The following CRPPA variants were observed in gnomAD, a reference collection of about 807,000 sequenced individuals.
The protein encoded by CRPPA is CDP-L-ribitol pyrophosphorylase A.
In CRPPA, 43 loss-of-function variants were observed where a neutral mutation model predicts 52.0. The observed-to-expected ratio is 0.83, with a 90% CI of 0.65 to 1.07. The LOEUF is 1.07. Ranked by LOEUF, CRPPA falls within the 50% of genes least tolerant of loss-of-function variation. The pLI is 0.00. For synonymous variants in CRPPA, 250 were observed against 203.5 expected (o/e 1.23, Z -1.94); for missense variants, 629 against 551.7 (o/e 1.14, Z -1.40).
chr7:16,243,186 T>C (rs2128407158), intron 8 of CRPPA, among the ~76,000 whole-genome samples: 1 of 152,286 alleles, frequency 6.6e-6, no homozygotes, highest in Middle Eastern at 3.4e-3. Context: ...TTGTAAGTGT[T>C]TGGAAGTTCC....
At chr7:16,113,378 G>A (rs1039425792) in intron 9 of CRPPA, among the ~76,000 whole-genome samples, 1 of 151,836 alleles carries the variant, frequency 6.6e-6, no homozygotes, top group African/African-American at 2.4e-5. Flanking sequence ...ATCCCATAAA[G>A]GGAGAATAAA....
intron 3 of CRPPA, among the ~76,000 whole-genome samples, chr7:16,309,683 A>C (rs913811077): frequency 1.3e-5 from 2 of 151,804 alleles, no homozygotes; most frequent in African/African-American, 4.8e-5. Context: ...GCTGAGACTT[A>C]TTTTAGAAAG....
chr7:16,317,944 C>A (rs1785182709), intron 3 of CRPPA, among the ~76,000 whole-genome samples: 1 of 152,124 alleles, frequency 6.6e-6, no homozygotes, highest in Non-Finnish European at 1.5e-5. Context: ...ATCATTCTAA[C>A]AATTGTGAGA....
intron 6 of CRPPA, among the ~76,000 whole-genome samples, chr7:16,272,787 G>T (rs988110156): frequency 1.3e-5 from 2 of 152,032 alleles, no homozygotes; most frequent in Non-Finnish European, 2.9e-5. Context: ...AATTAGTAGA[G>T]ACCATTTTGA....
rs201557677 is a variant in CRPPA, at chr7:16,363,491, CAT to C, written c.684+12599_684+12600del. The stretch of plus-strand genomic sequence containing the variant: ...ACATTAGACAAAAAGAAAAAAGTAA[CAT>C]GATAGCTACATGTAGGAAAAGAATG... On this transcript the variant is annotated intron_variant, in intron 3 of 9. Transcript: ENST00000407010. Among the ~76,000 whole-genome samples the C allele has an allele frequency of 5.6e-3, 848 of 152,164 alleles. 7 individuals are homozygous for C. Among genetic ancestry groups the C allele is most frequent in the African/African-American group, 0.02 (822 of 41,508 alleles).
intron 9 of CRPPA, among the ~76,000 whole-genome samples, chr7:16,152,326 TAA>T (rs904507645): frequency 6.6e-6 from 1 of 151,976 alleles, no homozygotes; most frequent in African/African-American, 2.4e-5. Context: ...TATGAATTTA[TAA>T]GTTACATAAG....
chr7:16,311,177 C>G (rs1785026683), intron 3 of CRPPA, among the ~76,000 whole-genome samples: 3 of 152,054 alleles, frequency 2.0e-5, no homozygotes, highest in Admixed American at 2.0e-4. Flanking sequence ...CCTACATTGA[C>G]ACATCATTAT....
intron 3 of CRPPA, among the ~76,000 whole-genome samples, chr7:16,330,045 T>C (rs935916817): frequency 6.6e-6 from 1 of 152,238 alleles, no homozygotes; most frequent in African/African-American, 2.4e-5. Context: ...GCTTGCTTTC[T>C]TGTAAGTGAT....
At chr7:16,245,347 C>T (rs1783240673) in intron 8 of CRPPA, among the ~76,000 whole-genome samples, 1 of 152,104 alleles carries the variant, frequency 6.6e-6, no homozygotes, top group African/African-American at 2.4e-5. Context: ...TAATTTGGTG[C>T]ACATTTGAAA....
chr7:16,396,436 A>G (rs1182252640), intron 2 of CRPPA, among the ~76,000 whole-genome samples: 1 of 152,240 alleles, frequency 6.6e-6, no homozygotes, highest in African/African-American at 2.4e-5. Context: ...TGGTGTGGAT[A>G]TGCTAAAAAC....
chr7:16,254,739 A>C lies in CRPPA; in HGVS notation c.1119+3651T>G, dbSNP rs548151317. Reference sequence around the variant, plus strand: ...GTACCCTAGATCTTAAAGTATAAGAAAGAAAGACAGAAAGAAAGAAAGACA... The same window carrying C: ...GTACCCTAGATCTTAAAGTATAAGACAGAAAGACAGAAAGAAAGAAAGACA... On this transcript the variant is annotated intron_variant, in intron 8 of 9. Coordinates refer to ENST00000407010, the MANE Select transcript of CRPPA (RefSeq NM_001101426.4). Among the ~76,000 whole-genome samples the C allele has an allele frequency of 7.7e-5, 5 of 64,854 alleles. No homozygotes were observed. The East Asian group carries it at 2.4e-3, about 32-fold the overall frequency. The allele number at this position is 64,854 out of a possible 152,430, so 42.5% of individuals were successfully genotyped here.
chr7:16,338,225 A>G (rs1290905400), intron 3 of CRPPA, among the ~76,000 whole-genome samples: 1 of 152,230 alleles, frequency 6.6e-6, no homozygotes, highest in African/African-American at 2.4e-5. Context: ...CTGGGATGCA[A>G]GGATAGTTCA....
At chr7:16,166,732 G>C (rs1231577298) in intron 9 of CRPPA, among the ~76,000 whole-genome samples, 1 of 152,058 alleles carries the variant, frequency 6.6e-6, no homozygotes, top group Non-Finnish European at 1.5e-5. Flanking sequence ...TGACTTTTCA[G>C]GACTCTTACA....
intron 9 of CRPPA, among the ~76,000 whole-genome samples, chr7:16,096,274 T>C (rs554051139): frequency 1.1e-4 from 16 of 150,202 alleles, no homozygotes; most frequent in Non-Finnish European, 2.1e-4. Context: ...AAAGCAAAGA[T>C]GCAGAAAAAA....
chr7:16,231,001 G>A (rs1177859478), intron 8 of CRPPA, among the ~76,000 whole-genome samples: 2 of 152,276 alleles, frequency 1.3e-5, no homozygotes, highest in Non-Finnish European at 2.9e-5. Context: ...ACCTAGTGCT[G>A]CAGCTGGTCT....
intron 3 of CRPPA, among the ~76,000 whole-genome samples, chr7:16,345,926 C>G (rs1169570444): frequency 2.0e-5 from 3 of 152,166 alleles, no homozygotes; most frequent in African/African-American, 7.2e-5. Context: ...CTTTTGTTTA[C>G]TCATTGCTGA....
intron 2 of CRPPA, among the ~76,000 whole-genome samples, chr7:16,397,713 C>G (rs935688614): frequency 6.6e-6 from 1 of 152,176 alleles, no homozygotes; most frequent in African/African-American, 2.4e-5. Flanking sequence ...GATTGACATG[C>G]GACCAACGTT....
intron 2 of CRPPA, among the ~76,000 whole-genome samples, chr7:16,390,822 T>C (rs551934552): frequency 6.6e-6 from 1 of 152,290 alleles, no homozygotes; most frequent in South Asian, 2.1e-4. Flanking sequence ...GATGACTTAA[T>C]AAGTAACAGC....
At chr7:16,227,133 T>A (rs373004111) in intron 8 of CRPPA, among the ~76,000 whole-genome samples, 1 of 151,910 alleles carries the variant, frequency 6.6e-6, no homozygotes, top group Non-Finnish European at 1.5e-5. Flanking sequence ...TCTTTATCTA[T>A]CCATTTGTGG....
Sources: gnomAD v4.1 joint callset for allele counts (sites outside exome capture counted in the v4.1 genomes callset) on GRCh38, gnomAD v4.1.1 for gene constraint, MANE v1.5 for transcripts, NCBI Gene and HGNC (gene_info 2026-07-23, HGNC 2026-07-21) for gene names.